The following FGF12 variants were observed in gnomAD, a reference collection of about 807,000 sequenced individuals.
The protein encoded by FGF12 is fibroblast growth factor 12B.
In FGF12, 14 loss-of-function variants were observed where a neutral mutation model predicts 23.6. That is an observed-to-expected ratio of 0.59 (90% confidence interval 0.39 to 0.93). FGF12 has a LOEUF of 0.93. Ranked by LOEUF, FGF12 falls within the 40% of genes least tolerant of loss-of-function variation. FGF12 has a pLI of 0.00. For missense variants in FGF12, 175 were observed against 217.8 expected, an observed-to-expected ratio of 0.80 and a Z score of 1.24; for synonymous variants, 62 against 77.3, an observed-to-expected ratio of 0.80 and a Z score of 1.04.
intron 2 of FGF12, among the ~76,000 whole-genome samples, chr3:192,605,537 TA>T (rs1302634949): frequency 6.6e-6 from 1 of 152,056 alleles, no homozygotes; most frequent in African/African-American, 2.4e-5. Context: ...GCAAAACAAC[TA>T]ACAACAGAGT....
intron 2 of FGF12, among the ~76,000 whole-genome samples, chr3:192,591,121 G>T (rs1016960956): frequency 6.6e-6 from 1 of 151,340 alleles, no homozygotes; most frequent in African/African-American, 2.4e-5. Context: ...GATAAAGTCA[G>T]TGAAGAAGGC....
intron 2 of FGF12, among the ~76,000 whole-genome samples, chr3:192,457,060 C>T (rs1480720763): frequency 6.6e-6 from 1 of 152,166 alleles, no homozygotes; most frequent in Admixed American, 6.5e-5. Flanking sequence ...TCAGGGGTTT[C>T]CGCTTTTGCA....
At chr3:192,532,911 C>T (rs183066295) in intron 2 of FGF12, among the ~76,000 whole-genome samples, 16 of 152,236 alleles carry the variant, frequency 1.1e-4, no homozygotes, top group African/African-American at 3.1e-4. Context: ...TGGCATGACA[C>T]TTAGCAAGCT....
intron 4 of FGF12, among the ~76,000 whole-genome samples, chr3:192,279,253 T>C (rs974312556): frequency 7.1e-6 from 1 of 140,212 alleles, no homozygotes; most frequent in Non-Finnish European, 1.5e-5. Flanking sequence ...TATATATATA[T>C]AAAATGTACA....
intron 2 of FGF12, among the ~76,000 whole-genome samples, chr3:192,685,774 A>G (rs1717710848): frequency 1.3e-5 from 2 of 152,232 alleles, no homozygotes; most frequent in Admixed American, 1.3e-4. Flanking sequence ...CCTATCTATT[A>G]TATATAAGGA....
At chr3:192,427,303 C>G (rs1273165101) in intron 2 of FGF12, among the ~76,000 whole-genome samples, 1 of 151,630 alleles carries the variant, frequency 6.6e-6, no homozygotes, top group Non-Finnish European at 1.5e-5. Context: ...ATCGCTTGAA[C>G]CCAGGAGGCA....
intron 4 of FGF12, among the ~76,000 whole-genome samples, chr3:192,247,347 C>T (rs1386549982): frequency 6.6e-6 from 1 of 152,084 alleles, no homozygotes; most frequent in Non-Finnish European, 1.5e-5. Flanking sequence ...GTAATTTTGC[C>T]CTTCTACCTG....
At chr3:192,147,214 T>C (rs1435282690) in intron 5 of FGF12, among the ~76,000 whole-genome samples, 1 of 152,336 alleles carries the variant, frequency 6.6e-6, no homozygotes, top group Non-Finnish European at 1.5e-5. Flanking sequence ...ATGTAATTTC[T>C]TGAGCATTAA....
At chr3:192,670,891 G>A (rs1399792320) in intron 2 of FGF12, among the ~76,000 whole-genome samples, 2 of 152,176 alleles carry the variant, frequency 1.3e-5, no homozygotes, top group African/African-American at 4.8e-5. Context: ...TTGCAAAGGT[G>A]AGTAGATGTT....
intron 2 of FGF12, among the ~76,000 whole-genome samples, chr3:192,594,987 T>G (rs2108625577): frequency 6.8e-6 from 1 of 148,106 alleles, no homozygotes; most frequent in Admixed American, 6.7e-5. Flanking sequence ...GTCTATAAAG[T>G]TAGATGCCAA....
intron 2 of FGF12, among the ~76,000 whole-genome samples, chr3:192,383,903 G>C (rs1371602472): frequency 6.6e-6 from 1 of 152,142 alleles, no homozygotes; most frequent in Non-Finnish European, 1.5e-5. Flanking sequence ...TGGCAGTGTT[G>C]ATGTTTTGAT....
intron 2 of FGF12, among the ~76,000 whole-genome samples, chr3:192,619,704 T>C (rs1269387180): frequency 1.3e-5 from 2 of 152,188 alleles, no homozygotes; most frequent in Non-Finnish European, 2.9e-5. Flanking sequence ...TTTCCTATAA[T>C]GTGCGAAATT....
chr3:192,669,052 AT>A (rs1376770306), intron 2 of FGF12, among the ~76,000 whole-genome samples: 4 of 152,254 alleles, frequency 2.6e-5, no homozygotes, highest in African/African-American at 9.6e-5. Context: ...TTGTTAGAGC[AT>A]AAAAGAATAG....
chr3:192,480,782 T>C (rs1045739933), intron 2 of FGF12, among the ~76,000 whole-genome samples: 3 of 152,186 alleles, frequency 2.0e-5, no homozygotes, highest in Non-Finnish European at 4.4e-5. Flanking sequence ...TATTCTACAT[T>C]AAGAATAAAA....
At chr3:192,350,918 G>C (rs776673080) in intron 3 of FGF12, among the ~76,000 whole-genome samples, 17 of 152,168 alleles carry the variant, frequency 1.1e-4, no homozygotes, top group Non-Finnish European at 2.4e-4. Flanking sequence ...TTTAAGTAAA[G>C]AGACCAGTTA....
intron 2 of FGF12, among the ~76,000 whole-genome samples, chr3:192,580,202 G>A (rs1448008722): frequency 1.3e-5 from 2 of 152,084 alleles, no homozygotes; most frequent in African/African-American, 4.8e-5. Context: ...GGCACTTTAT[G>A]CAAGATCTTA....
chr3:192,313,014 C>G (rs190174486), intron 4 of FGF12, among the ~76,000 whole-genome samples: 11 of 152,244 alleles, frequency 7.2e-5, no homozygotes, highest in Admixed American at 7.2e-4. Flanking sequence ...AATTTTCTCT[C>G]CTTTTCATCC....
intron 2 of FGF12, among the ~76,000 whole-genome samples, chr3:192,595,408 T>C (rs563735937): frequency 6.6e-6 from 1 of 152,224 alleles, no homozygotes; most frequent in Non-Finnish European, 1.5e-5. Context: ...GATAATCTTA[T>C]TTCCAGTCCT....
intron 2 of FGF12, among the ~76,000 whole-genome samples, chr3:192,706,089 AAT>A (rs1202963257): frequency 6.6e-6 from 1 of 152,194 alleles, no homozygotes; most frequent in Non-Finnish European, 1.5e-5. Flanking sequence ...TTCCAAATAC[AAT>A]ACAAAAATGT....
Sources: gnomAD v4.1 joint callset for allele counts (sites outside exome capture counted in the v4.1 genomes callset) on GRCh38, gnomAD v4.1.1 for gene constraint, MANE v1.5 for transcripts, NCBI Gene and HGNC (gene_info 2026-07-23, HGNC 2026-07-21) for gene names.